GPBP1L1: variants seen among roughly 807,000 people sequenced by gnomAD.
The protein encoded by GPBP1L1 is vasculin-like protein 1.
In GPBP1L1, 23 loss-of-function variants were observed where a neutral mutation model predicts 52.5. That is an observed-to-expected ratio of 0.44 (90% CI 0.32 to 0.62). The LOEUF is 0.62. Ranked by LOEUF, GPBP1L1 falls within the 20% of genes least tolerant of loss-of-function variation. The pLI is 0.06. For missense variants in GPBP1L1, 596 were observed against 579.3 expected (o/e 1.03, Z -0.30); for synonymous variants, 243 against 203.1 (o/e 1.20, Z -1.67).
Position 45,628,313 on chromosome 1 carries a change from C to T in GPBP1L1, c.1368G>A (p.Glu456=), listed in dbSNP as rs779064488. 1.2e-6 allele frequency: 2 copies of T among 1,614,118 alleles called. No individual in the cohort carries two copies. Among genetic ancestry groups the T allele is most frequent in the South Asian group, 2.2e-5 (2 of 91,080 alleles). ...TGCTACTGGTTTCGGTGTCTGAGTC[C>T]TCAAACTCTGCTTTGCAAGTGCTTC... ...PWRSTCKAEF[E]DSDTETSSSE... is the part of the protein sequence containing the mutation. The change falls in exon 13 of 13, where the codon GAG becomes GAA. Residue 456 remains glutamate (E), a synonymous_variant. Coordinates refer to ENST00000355105, the MANE Select transcript of GPBP1L1 (RefSeq NM_021639.5).
intron 4 of GPBP1L1, 92 bp from the exon 5 acceptor site, chr1:45,655,411 CAAGT>C (rs1644873378): frequency 2.9e-6 from 4 of 1,383,182 alleles, no homozygotes; most frequent in Non-Finnish European, 4.0e-6. Flanking sequence ...CTTCAAAAAA[CAAGT>C]AATAATGGTG....
intron 6 of GPBP1L1, among the ~76,000 whole-genome samples, chr1:45,648,158 T>C (rs1473268303): frequency 1.3e-5 from 2 of 152,142 alleles, no homozygotes; most frequent in African/African-American, 4.8e-5. Context: ...CAGGCTGGTC[T>C]CAAACTCCTG....
intron 2 of GPBP1L1, among the ~76,000 whole-genome samples, chr1:45,676,450 A>T (rs1645139949): frequency 6.6e-6 from 1 of 151,928 alleles, no homozygotes; most frequent in South Asian, 2.1e-4. Flanking sequence ...AAAAACACAA[A>T]AAAATTAGCC....
chr1:45,669,868 A>C (rs1282828271), intron 2 of GPBP1L1, among the ~76,000 whole-genome samples: 1 of 150,972 alleles, frequency 6.6e-6, no homozygotes, highest in Non-Finnish European at 1.5e-5. Context: ...TAAAAATGAA[A>C]AACATAAGTT....
intron 4 of GPBP1L1, among the ~76,000 whole-genome samples, chr1:45,657,409 G>A (rs549671049): frequency 3.4e-4 from 51 of 152,114 alleles, no homozygotes; most frequent in African/African-American, 1.1e-3. Context: ...GGTACTGTGC[G>A]CCTGTAATCC....
At chr1:45,683,498 C>T (rs150964893) in intron 2 of GPBP1L1, among the ~76,000 whole-genome samples, 4,228 of 150,812 alleles carry the variant, frequency 0.028, 199 homozygotes, top group African/African-American at 0.097. Flanking sequence ...AGCCACCGCG[C>T]CCGGCCTGAA....
Position 45,640,207 on chromosome 1 carries a change from T to C in GPBP1L1, c.744+3A>G, listed in dbSNP as rs1644653208. ...AGGTTCTTGCCCTGATTCTAAATCA[T>C]ACCTTGGAAGGAGGTGGTACAGGCT... is the stretch of plus-strand genomic sequence containing the variant. On this transcript the variant is annotated splice_donor_region_variant and intron_variant, in intron 8 of 12. Transcript: ENST00000355105. The C allele has an allele frequency of 1.9e-6, 3 of 1,609,488 alleles. No homozygotes were observed. The highest frequency in any genetic ancestry group is 1.7e-5 in the Admixed American group (1 of 59,862).
chr1:45,634,008 T>G, intron 9 of GPBP1L1, 88 bp downstream of exon 9: 2 of 1,298,882 alleles, frequency 1.5e-6, no homozygotes, highest in Non-Finnish European at 1.1e-6. Flanking sequence ...ACAAAACAAG[T>G]GTCACAGCTA....
At chr1:45,645,016 C>CGTT (rs1644725182) in intron 6 of GPBP1L1, among the ~76,000 whole-genome samples, 1 of 152,130 alleles carries the variant, frequency 6.6e-6, no homozygotes, top group Non-Finnish European at 1.5e-5. Context: ...CAACCCTCGT[C>CGTT]GTTATTATTA....
intron 2 of GPBP1L1, among the ~76,000 whole-genome samples, chr1:45,669,725 TG>T (rs1645052456): frequency 6.6e-6 from 1 of 151,946 alleles, no homozygotes; most frequent in South Asian, 2.1e-4. Context: ...AGAAAAAGAA[TG>T]TAGTTCTCAG....
At chr1:45,674,259 C>T (rs920169968) in intron 2 of GPBP1L1, among the ~76,000 whole-genome samples, 1 of 152,172 alleles carries the variant, frequency 6.6e-6, no homozygotes, top group Non-Finnish European at 1.5e-5. Context: ...AGGACTGACA[C>T]AGGATTGCCT....
Position 45,629,558 on chromosome 1 carries a change from A to G in GPBP1L1, c.1272+18T>C, listed in dbSNP as rs1488978153. On this transcript the variant is annotated intron_variant, in intron 12 of 12. Coordinates refer to ENST00000355105, the MANE Select transcript of GPBP1L1 (RefSeq NM_021639.5). ...CCTGGTTACTAACTGGTCTCTAGGA[A>G]GAAGGTTTACAACATACCTGCTCTG... 1 of 1,488,238 alleles carries G rather than the reference A, an allele frequency of 6.7e-7. No homozygotes were observed. The highest frequency in any genetic ancestry group is 9.3e-7 in the Non-Finnish European group (1 of 1,072,180). The allele number at this position is 1,488,238 out of a possible 1,614,324, so 92.2% of individuals were successfully genotyped here.
At chr1:45,653,500 C>CA (rs1215034470) in intron 6 of GPBP1L1, among the ~76,000 whole-genome samples, 1 of 152,016 alleles carries the variant, frequency 6.6e-6, no homozygotes, top group Non-Finnish European at 1.5e-5. Context: ...GGACCGCAGA[C>CA]ATGTGCCATC....
At chr1:45,651,822 G>A (rs1001643056) in intron 6 of GPBP1L1, 11 of 259,008 alleles carry the variant, frequency 4.2e-5, no homozygotes, top group African/African-American at 6.8e-5. Context: ...CTTTCCTTTC[G>A]GCATCTTGGG....
At chr1:45,634,034 T>C (rs917289000) in intron 9 of GPBP1L1, 62 bp downstream of exon 9, 3 of 1,490,682 alleles carry the variant, frequency 2.0e-6, no homozygotes, top group Non-Finnish European at 2.7e-6. Flanking sequence ...ATTACACTTG[T>C]TATCTAAGTG....
At chr1:45,647,166 A>ATTTTTTTTTTTTTT (rs778113669) in intron 6 of GPBP1L1, among the ~76,000 whole-genome samples, 6 of 112,640 alleles carry the variant, frequency 5.3e-5, no homozygotes, top group Non-Finnish European at 7.2e-5. Flanking sequence ...ACTTCTTAGG[A>ATTTTTTTTTTTTTT]TTTTTTTTTT....
At chr1:45,678,833 A>T (rs892024367) in intron 2 of GPBP1L1, among the ~76,000 whole-genome samples, 1 of 152,222 alleles carries the variant, frequency 6.6e-6, no homozygotes, top group East Asian at 1.9e-4. Context: ...AGAAGAAATG[A>T]TCATTTACTC....
intron 12 of GPBP1L1, among the ~76,000 whole-genome samples, chr1:45,628,865 T>C (rs1270940141): frequency 1.3e-5 from 2 of 152,164 alleles, no homozygotes; most frequent in Non-Finnish European, 2.9e-5. Context: ...GGCTTCACCA[T>C]ATTGGCCAGT....
intron 6 of GPBP1L1, chr1:45,645,966 C>CA: frequency 6.1e-6 from 3 of 494,884 alleles, no homozygotes; most frequent in Non-Finnish European, 1.2e-5. Flanking sequence ...CTTTGAGTTG[C>CA]AAATCAAAGC....
Sources: allele counts gnomAD v4.1 joint callset (sites outside exome capture counted in the v4.1 genomes callset), GRCh38; gene constraint gnomAD v4.1.1; transcripts MANE v1.5; gene names NCBI Gene and HGNC (gene_info 2026-07-23, HGNC 2026-07-21).